The following TPMT variants were observed in gnomAD, a reference collection of about 807,000 sequenced individuals.
TPMT encodes S-adenosyl-L-methionine:thiopurine S-methyltransferase.
TPMT carries 18 observed loss-of-function variants against 34.2 expected under a neutral mutation model. That is an observed-to-expected ratio of 0.53 (90% CI 0.36 to 0.78). The LOEUF (loss-of-function observed/expected upper bound fraction) is 0.78. Ranked by LOEUF, TPMT falls within the 30% of genes least tolerant of loss-of-function variation. TPMT has a pLI of 0.00. For synonymous variants in TPMT, 69 were observed against 92.4 expected (o/e 0.75, Z 1.45); for missense variants, 265 against 288.1 (o/e 0.92, Z 0.58).
rs914805054 is a variant in TPMT, at chr6:18,129,125, G to C, written c.*1543C>G. The C allele has an allele frequency of 2.6e-5, 4 of 152,272 alleles. No homozygotes were observed. Among genetic ancestry groups the C allele is most frequent in the African/African-American group, 7.2e-5 (3 of 41,538 alleles). The allele number at this position is 152,272 out of a possible 1,614,324, so 9.4% of individuals were successfully genotyped here. A position where few individuals can be genotyped will look rare whatever the true frequency, so the allele number is the denominator to read the frequency against. ...GGAGAGAATTGTGTTGGTCCAGCTCGGGTTAGTTGTCCATTCAACCGGTGA... is the reference window on the plus strand; with the variant it reads ...GGAGAGAATTGTGTTGGTCCAGCTCCGGTTAGTTGTCCATTCAACCGGTGA... On this transcript the variant is annotated 3_prime_UTR_variant, in exon 9 of 9. Transcript: ENST00000309983.
At chr6:18,152,579 TTTTC>T (rs200211504) in intron 1 of TPMT, among the ~76,000 whole-genome samples, 2,117 of 150,456 alleles carry the variant, frequency 0.014, 44 homozygotes, top group African/African-American at 0.045. Context: ...CTTTCTTTCC[TTTTC>T]TTTCTTTCTT....
At chr6:18,144,289 T>A (rs1561890576) in intron 3 of TPMT, among the ~76,000 whole-genome samples, 5 of 152,224 alleles carry the variant, frequency 3.3e-5, no homozygotes, top group Non-Finnish European at 7.3e-5. Flanking sequence ...ACTAATCTTG[T>A]AGTTTCCATT....
Position 18,139,656 on chromosome 6 carries a change from T to A in TPMT, c.419+9A>T. On this transcript the variant is annotated intron_variant, in intron 5 of 8. Transcript: ENST00000309983. This position sits in a 1 kb window ranked among gnomAD's most constrained non-coding sequence, Gnocchi z 4.2. ...ATTTTTTAAAGTGCAGATGTAGTATTCAACCTACCTGGGAAGATCAAAAAT... is the reference window on the plus strand; with the variant it reads ...ATTTTTTAAAGTGCAGATGTAGTATACAACCTACCTGGGAAGATCAAAAAT... 1.2e-6 allele frequency: 2 copies of A among 1,611,968 alleles called. No individual in the cohort carries two copies. The highest frequency in any genetic ancestry group is 1.7e-4 in the Middle Eastern group (1 of 5,964).
chr6:18,140,830 A>G lies in TPMT; in HGVS notation c.367-1113T>C, dbSNP rs1015557140. The stretch of plus-strand genomic sequence containing the variant: ...ACACTCCAAGAGGGGGCAATATAAC[A>G]TAGACTTTAGGATCCTGGGAGCTGG... On this transcript the variant is annotated intron_variant, in intron 4 of 8. Transcript: ENST00000309983. The surrounding 1 kb of genome is among the most constrained non-coding windows in gnomAD (Gnocchi z 4.7). 2.0e-5 allele frequency among the ~76,000 whole-genome samples: 3 copies of G among 152,100 alleles called. No homozygotes were observed. Among genetic ancestry groups the G allele is most frequent in the African/African-American group, 7.2e-5 (3 of 41,430 alleles).
At chr6:18,151,376 G>C (rs1309161674) in intron 1 of TPMT, among the ~76,000 whole-genome samples, 1 of 151,224 alleles carries the variant, frequency 6.6e-6, no homozygotes, top group Non-Finnish European at 1.5e-5. Flanking sequence ...GCTGAGGCAG[G>C]AGGATGGCTT....
At position 18,145,370 on chromosome 6, in the gene TPMT, G is replaced by T. The variant is rs1371595204; in HGVS notation, c.234-1642C>A. 2.6e-5 allele frequency among the ~76,000 whole-genome samples: 4 copies of T among 152,216 alleles called. No homozygotes were observed. Among genetic ancestry groups the T allele is most frequent in the Admixed American group, 2.6e-4 (4 of 15,288 alleles). ...GACCTAATGCTCACTAAGGTAGCTG[G>T]GGGATGTTGGTGCATTCCATCTATT... On this transcript the variant is annotated intron_variant, in intron 3 of 8. Transcript: ENST00000309983. This position sits in a 1 kb window ranked among gnomAD's most constrained non-coding sequence, Gnocchi z 5.6.
chr6:18,138,017 C>T lies in TPMT; in HGVS notation c.494+946G>A, dbSNP rs965921180. Among the ~76,000 whole-genome samples, 2 of 152,066 alleles carry T rather than the reference C, an allele frequency of 1.3e-5. No individual in the cohort carries two copies. Among genetic ancestry groups the T allele is most frequent in the East Asian group, 2.0e-4 (1 of 5,124 alleles). ...CTGGTCTCGAACTCCTGACCTCAGG[C>T]GATCCGCCCACCTTGGCCTCCCAAA... On this transcript the variant is annotated intron_variant, in intron 6 of 8. Coordinates refer to ENST00000309983, the MANE Select transcript of TPMT (RefSeq NM_000367.5). This position sits in a 1 kb window ranked among gnomAD's most constrained non-coding sequence, Gnocchi z 4.1.
rs1436970209 is a variant in TPMT at position 18,131,237 on chromosome 6, T to C, written c.626-457A>G. ...AAAACAGAGGAATGCTAAGGGCAAA[T>C]TTCCTGAACTCTGAATTGTTATTAT... is the stretch of plus-strand genomic sequence containing the variant. On this transcript the variant is annotated intron_variant, in intron 8 of 8. Coordinates refer to ENST00000309983, the MANE Select transcript of TPMT (RefSeq NM_000367.5). The surrounding 1 kb of genome is among the most constrained non-coding windows in gnomAD (Gnocchi z 4.3). Among the ~76,000 whole-genome samples, 5 of 152,140 alleles carry C rather than the reference T, an allele frequency of 3.3e-5. No individual in the cohort carries two copies. Among genetic ancestry groups the C allele is most frequent in the Non-Finnish European group, 7.4e-5 (5 of 68,018 alleles).
At position 18,150,283 on chromosome 6, in the gene TPMT, C is replaced by G. The variant is rs2842941; in HGVS notation, c.-44-1112G>C. On this transcript the variant is annotated intron_variant, in intron 1 of 8. Coordinates refer to ENST00000309983, the MANE Select transcript of TPMT (RefSeq NM_000367.5). This position sits in a 1 kb window ranked among gnomAD's most constrained non-coding sequence, Gnocchi z 5.3. Reference sequence around the variant, plus strand: ...AGCTACAGGACCTTCACCTGTTGAGCTATTAGGAGGCTCTCCAAACCCCAT... The same window carrying G: ...AGCTACAGGACCTTCACCTGTTGAGGTATTAGGAGGCTCTCCAAACCCCAT... 0.5 allele frequency among the ~76,000 whole-genome samples: 76,545 copies of G among 152,062 alleles called. 19,461 individuals carry two copies. Among genetic ancestry groups the G allele is most frequent in the African/African-American group, 0.55 (22,866 of 41,448 alleles).
intron 6 of TPMT, among the ~76,000 whole-genome samples, chr6:18,137,662 T>A (rs1243177475): frequency 2.7e-5 from 4 of 147,166 alleles, no homozygotes; most frequent in East Asian, 2.0e-4. Flanking sequence ...GCTTCAATAA[T>A]AACAGCTCTC....
At chr6:18,137,225 C>T (rs1784058676) in intron 6 of TPMT, among the ~76,000 whole-genome samples, 1 of 152,066 alleles carries the variant, frequency 6.6e-6, no homozygotes, top group Non-Finnish European at 1.5e-5. Context: ...GCAACCTCCA[C>T]CTGCCGGGTT....
chr6:18,133,960 G>C, intron 6 of TPMT, 71 bp from the exon 7 acceptor site: 3 of 1,280,664 alleles, frequency 2.3e-6, no homozygotes, highest in Non-Finnish European at 3.4e-6. Flanking sequence ...CAAAAGGCAG[G>C]GAAGGAAGCC....
At chr6:18,134,814 G>A (rs1784013116) in intron 6 of TPMT, among the ~76,000 whole-genome samples, 1 of 152,198 alleles carries the variant, frequency 6.6e-6, no homozygotes, top group Admixed American at 6.5e-5. Flanking sequence ...AATGGAGGAA[G>A]CTGAGGGATA....
rs1041499167 is a variant in TPMT, at chr6:18,149,630, GTA to G, written c.-44-461_-44-460del. ...ACACCACCACACCTGGTTAATTTTT[GTA>G]TATATATATTTTTTAATAGAGATGG... On this transcript the variant is annotated intron_variant, in intron 1 of 8. Coordinates refer to ENST00000309983, the MANE Select transcript of TPMT (RefSeq NM_000367.5). This position sits in a 1 kb window ranked among gnomAD's most constrained non-coding sequence, Gnocchi z 5.0. 6.6e-6 allele frequency among the ~76,000 whole-genome samples: 1 copy of G among 151,706 alleles called. No homozygotes were observed.
At position 18,138,175 on chromosome 6, in the gene TPMT, G is replaced by T. The variant is rs1247099144; in HGVS notation, c.494+788C>A. On this transcript the variant is annotated intron_variant, in intron 6 of 8. Transcript: ENST00000309983. The surrounding 1 kb of genome is among the most constrained non-coding windows in gnomAD (Gnocchi z 4.1). Reference sequence around the variant, plus strand: ...TTTGGACAAGTAACTTAATCTCTTTGACCTCAGTTTCCTCATCTGTATAAT... The same window carrying T: ...TTTGGACAAGTAACTTAATCTCTTTTACCTCAGTTTCCTCATCTGTATAAT... Among the ~76,000 whole-genome samples the T allele has an allele frequency of 2.0e-5, 3 of 151,940 alleles. No individual in the cohort carries two copies. The highest frequency in any genetic ancestry group is 3.9e-4 in the East Asian group (2 of 5,166).
At chr6:18,133,686 A>G in intron 7 of TPMT, 118 bp downstream of exon 7, 1 of 747,672 alleles carries the variant, frequency 1.3e-6, no homozygotes, top group East Asian at 2.7e-5. Context: ...CCATGTATAT[A>G]TGCAGTATGC....
At chr6:18,142,016 G>A (rs947307961) in intron 4 of TPMT, among the ~76,000 whole-genome samples, 15 of 152,050 alleles carry the variant, frequency 9.9e-5, no homozygotes, top group African/African-American at 3.4e-4. Context: ...AGGGTGGGGC[G>A]ACCAGCCTTC....
In TPMT at chr6:18,139,759, A is replaced by G; in HGVS notation, c.367-42T>C. On this transcript the variant is annotated intron_variant, in intron 4 of 8. Coordinates refer to ENST00000309983, the MANE Select transcript of TPMT (RefSeq NM_000367.5). This position sits in a 1 kb window ranked among gnomAD's most constrained non-coding sequence, Gnocchi z 4.2. Reference sequence around the variant, plus strand: ...AAAAAAAAATTTTTTTTTTTTACTTAGTAAGTACTTGAATAGTCAAGGAAA... The same window carrying G: ...AAAAAAAAATTTTTTTTTTTTACTTGGTAAGTACTTGAATAGTCAAGGAAA... 1 of 1,423,134 alleles carries G rather than the reference A, an allele frequency of 7.0e-7. No individual in the cohort carries two copies. Among genetic ancestry groups the G allele is most frequent in the Non-Finnish European group, 9.8e-7 (1 of 1,018,994 alleles). 88.2% of individuals were successfully genotyped at this position (1,423,134 alleles called of 1,614,324 possible).
Position 18,149,319 on chromosome 6 carries a change from C to G in TPMT, c.-44-148G>C. 1.4e-6 allele frequency: 1 copy of G among 721,702 alleles called. No individual in the cohort carries two copies. Among genetic ancestry groups the G allele is most frequent in the Non-Finnish European group, 2.2e-6 (1 of 455,658 alleles). 44.7% of individuals were successfully genotyped at this position (721,702 alleles called of 1,614,324 possible). On this transcript the variant is annotated intron_variant, in intron 1 of 8. Transcript: ENST00000309983. This position sits in a 1 kb window ranked among gnomAD's most constrained non-coding sequence, Gnocchi z 5.0. ...TCTGGTTTTATTTTTGAGATGGAGT[C>G]TCACTCTGTCTCCCAGCCTGGGGTA...
Sources: allele counts gnomAD v4.1 joint callset (sites outside exome capture counted in the v4.1 genomes callset), GRCh38; gene constraint gnomAD v4.1.1; non-coding constraint Gnocchi (gnomAD v3.1); transcripts MANE v1.5; gene names NCBI Gene and HGNC (gene_info 2026-07-23, HGNC 2026-07-21).